The following METTL17 variants were observed in gnomAD, a reference collection of about 807,000 sequenced individuals.
METTL17 encodes the protein ribosome assembly protein METTL17, mitochondrial.
A neutral mutation model predicts 59.4 loss-of-function variants in METTL17; 49 were observed. That is an observed-to-expected ratio of 0.82 (90% CI 0.66 to 1.05). METTL17 has a LOEUF of 1.05. Ranked by LOEUF, METTL17 falls within the 50% of genes least tolerant of loss-of-function variation. The pLI is 0.00. For missense variants in METTL17, 555 were observed against 578.4 expected (o/e 0.96, Z 0.41); for synonymous variants, 208 against 209.2 (o/e 0.99, Z 0.05).
intron 3 of METTL17, 74 bp from the exon 4 acceptor site, chr14:20,992,050 G>A: frequency 7.5e-7 from 1 of 1,328,338 alleles, no homozygotes; most frequent in Non-Finnish European, 1.1e-6. Context: ...GACTGGGTGG[G>A]CAGTATATTC....
rs538447996 is a variant in METTL17, at chr14:20,994,796, G to A, written c.771G>A (p.Val257=). 6.2e-6 allele frequency: 10 copies of A among 1,613,028 alleles called. No individual in the cohort carries two copies. In the East Asian group the frequency reaches 1.6e-4, roughly 25 times the overall value. ...FRQFLPVSPK[V]QFDVVVSAFS... Reference sequence around the variant, plus strand: ...ATGTTCCTTGTCTTGGTCCTCAGGTGCAGTTTGATGTAGTAGTGTCAGCTT... The same window carrying A: ...ATGTTCCTTGTCTTGGTCCTCAGGTACAGTTTGATGTAGTAGTGTCAGCTT... Residue 257 remains valine, a splice_region_variant and synonymous_variant, in exon 9 of 14, where the codon GTG becomes GTA. Transcript: ENST00000339374.
At position 20,994,862 on chromosome 14, in the gene METTL17, G is replaced by A; in HGVS notation, c.837G>A (p.Glu279=). ...TGCCCAGCAAGGCTGACCGCACTGA[G>A]GTAGTTCAAACCTTATGGCGTAAGA... The part of the protein sequence containing the change: ...SELPSKADRT[E]VVQTLWRKTG... The change falls in exon 9 of 14, where the codon GAG becomes GAA. Residue 279 remains glutamate, a synonymous_variant. Transcript: ENST00000339374. 6.2e-7 allele frequency: 1 copy of A among 1,614,096 alleles called. No homozygotes were observed. The highest frequency in any genetic ancestry group is 8.5e-7 in the Non-Finnish European group (1 of 1,179,990).
In METTL17 at chr14:20,994,194, C is replaced by G. The variant is rs927234857; in HGVS notation, c.697+131C>G. On this transcript the variant is annotated intron_variant, in intron 7 of 13. Transcript: ENST00000339374. Reference sequence around the variant, plus strand: ...TCTGGTTTACTTTTAAAGTTATAGTCAAGCAAAGGGTGGTATTAGAGGTTT... The same window carrying G: ...TCTGGTTTACTTTTAAAGTTATAGTGAAGCAAAGGGTGGTATTAGAGGTTT... The G allele has an allele frequency of 8.1e-5, 55 of 681,436 alleles. No individual in the cohort carries two copies. The African/African-American group carries it at 9.0e-4, about 11-fold the overall frequency. 42.2% of individuals were successfully genotyped at this position (681,436 alleles called of 1,614,324 possible).
chr14:20,994,826 CT>C lies in METTL17; in HGVS notation c.803del (p.Leu268Ter). 1 of 1,614,100 alleles carries C rather than the reference CT, an allele frequency of 6.2e-7. No individual in the cohort carries two copies. Among genetic ancestry groups the C allele is most frequent in the Non-Finnish European group, 8.5e-7 (1 of 1,180,000 alleles). ...TTGATGTAGTAGTGTCAGCTTTTTC[CT>C]TAAGTGAACTGCCCAGCAAGGCTGA... Reference protein sequence around the residue: ...QFDVVVSAFSLSELPSKADRT... With the variant: ...QFDVVVSAFSXSELPSKADRT... On this transcript the variant is annotated frameshift_variant, in exon 9 of 14. Transcript: ENST00000339374. LOFTEE classifies it high-confidence loss of function.
intron 4 of METTL17, 50 bp downstream of exon 4, chr14:20,992,255 A>G: frequency 8.3e-7 from 1 of 1,201,400 alleles, no homozygotes; most frequent in Non-Finnish European, 1.2e-6. Flanking sequence ...AGACTTTAGA[A>G]AGAGAGTTGG....
At chr14:20,992,355 CAA>C (rs1880076847) in intron 4 of METTL17, 150 bp downstream of exon 4, 1 of 735,680 alleles carries the variant, frequency 1.4e-6, no homozygotes, top group African/African-American at 1.8e-5. Context: ...AGCTAAAGTA[CAA>C]AGTTTTGAAC....
chr14:20,990,403 CG>C lies in METTL17; in HGVS notation c.229+21del. The C allele has an allele frequency of 6.2e-7, 1 of 1,613,182 alleles. No individual in the cohort carries two copies. The highest frequency in any genetic ancestry group is 8.5e-7 in the Non-Finnish European group (1 of 1,179,482). On this transcript the variant is annotated intron_variant, in intron 2 of 13. Coordinates refer to ENST00000339374, the MANE Select transcript of METTL17 (RefSeq NM_022734.3). ...TACTTGGTGAGTAACGGCGGGAAAGCGAGAAGAAACGGGACTGGACCTACAT... is the reference window on the plus strand; with the variant it reads ...TACTTGGTGAGTAACGGCGGGAAAGCAGAAGAAACGGGACTGGACCTACAT...
Position 20,996,085 on chromosome 14 carries a change from C to G in METTL17, c.997-124C>G. ...AGTTCCTACCTAATGATTCCCCTGG[C>G]TCTTCCTACCCACTGCTCCTGTCCT... On this transcript the variant is annotated intron_variant, in intron 11 of 13. Transcript: ENST00000339374. 6 of 1,261,646 alleles carry G rather than the reference C, an allele frequency of 4.8e-6. No homozygotes were observed. In the South Asian group the frequency reaches 7.3e-5, roughly 15 times the overall value. 78.2% of individuals were successfully genotyped at this position (1,261,646 alleles called of 1,614,324 possible). A position where few individuals can be genotyped will look rare whatever the true frequency, so the allele number is the denominator to read the frequency against.
At chr14:20,990,126 A>G (rs1313120075) in intron 1 of METTL17, 49 bp downstream of exon 1, 1 of 1,611,896 alleles carries the variant, frequency 6.2e-7, no homozygotes, top group Admixed American at 1.7e-5. Flanking sequence ...ATCTGCAGAG[A>G]CATCTCCGCG....
At chr14:20,992,283 A>T in intron 4 of METTL17, 78 bp downstream of exon 4, 1 of 907,258 alleles carries the variant, frequency 1.1e-6, no homozygotes, top group Non-Finnish European at 1.7e-6. Context: ...CAATTACACA[A>T]TCAATTTAGT....
intron 7 of METTL17, 92 bp from the exon 8 acceptor site, chr14:20,994,451 C>A: frequency 9.2e-7 from 1 of 1,084,996 alleles, no homozygotes. Context: ...TACACTTTAC[C>A]TATTCTTGGG....
Position 20,990,541 on chromosome 14 carries a change from C to A in METTL17, c.307C>A (p.Pro103Thr). 1 of 1,614,146 alleles carries A rather than the reference C, an allele frequency of 6.2e-7. No homozygotes were observed. The highest frequency in any genetic ancestry group is 8.5e-7 in the Non-Finnish European group (1 of 1,180,032). ...CTGGAGCAGACATTTGCCTGTAGAG[C>A]CAGAGGAGTTGCAAAGACGGGCTAG... ...YLWSRHLPVE[P>T]EELQRRARHL... Residue 103 changes from proline to threonine, a missense_variant, in exon 3 of 14, where the codon CCA becomes ACA. Pro to Thr is a conservative substitution (Grantham distance 38). Coordinates refer to ENST00000339374, the MANE Select transcript of METTL17 (RefSeq NM_022734.3).
chr14:20,990,576 G>GA lies in METTL17; in HGVS notation c.348dup (p.Phe117IlefsTer24), dbSNP rs776331415. 1.9e-6 allele frequency: 3 copies of GA among 1,614,152 alleles called. No homozygotes were observed. Among genetic ancestry groups the GA allele is most frequent in the East Asian group, 2.2e-5 (1 of 44,886 alleles). ...TGCAAAGACGGGCTAGGCATCTTGAGAAAAAATTCCTGGAAAACCCAGGTA... is the reference window on the plus strand; with the variant it reads ...TGCAAAGACGGGCTAGGCATCTTGAGAAAAAAATTCCTGGAAAACCCAGGTA... On this transcript the variant is annotated frameshift_variant, in exon 3 of 14. Coordinates refer to ENST00000339374, the MANE Select transcript of METTL17 (RefSeq NM_022734.3). LOFTEE classifies it high-confidence loss of function.
At position 20,990,394 on chromosome 14, in the gene METTL17, G is replaced by C. The variant is rs375414936; in HGVS notation, c.229+11G>C. On this transcript the variant is annotated intron_variant, in intron 2 of 13. Transcript: ENST00000339374. ...AGTTATTGCTACTTGGTGAGTAACG[G>C]CGGGAAAGCGAGAAGAAACGGGACT... 9.9e-6 allele frequency: 16 copies of C among 1,613,488 alleles called. No individual in the cohort carries two copies. In the African/African-American group the frequency reaches 2.1e-4, roughly 22 times the overall value.
chr14:20,996,881 T>G lies in METTL17; in HGVS notation c.1362T>G (p.Ser454=), dbSNP rs150701743. 2 of 1,605,220 alleles carry G rather than the reference T, an allele frequency of 1.2e-6. No homozygotes were observed. Among genetic ancestry groups the G allele is most frequent in the Non-Finnish European group, 8.5e-7 (1 of 1,174,762 alleles). Reference sequence around the variant, plus strand: ...CTCCATCTACGGCTCAGGATCCCTCTGAGAGTTGATGAGGATGTGTAACAA... The same window carrying G: ...CTCCATCTACGGCTCAGGATCCCTCGGAGAGTTGATGAGGATGTGTAACAA... ...AFPPSTAQDP[S]ES is the part of the protein sequence containing the mutation. Residue 454 remains serine (S), a synonymous_variant, in exon 14 of 14, where the codon TCT becomes TCG. Coordinates refer to ENST00000339374, the MANE Select transcript of METTL17 (RefSeq NM_022734.3).
chr14:20,990,391 A>G lies in METTL17; in HGVS notation c.229+8A>G, dbSNP rs1440552951. The G allele has an allele frequency of 6.2e-7, 1 of 1,613,616 alleles. No homozygotes were observed. Among genetic ancestry groups the G allele is most frequent in the Admixed American group, 1.7e-5 (1 of 59,992 alleles). On this transcript the variant is annotated splice_region_variant and intron_variant, in intron 2 of 13. Coordinates refer to ENST00000339374, the MANE Select transcript of METTL17 (RefSeq NM_022734.3). ...CCCAGTTATTGCTACTTGGTGAGTA[A>G]CGGCGGGAAAGCGAGAAGAAACGGG... is the stretch of plus-strand genomic sequence containing the variant.
chr14:20,992,233 G>A, intron 4 of METTL17, 28 bp downstream of exon 4: 1 of 1,403,464 alleles, frequency 7.1e-7, no homozygotes, highest in East Asian at 2.3e-5. Context: ...AGGTGCACAA[G>A]AAAGCAAAGG....
In METTL17 at chr14:20,990,549, G is replaced by A. The variant is rs375799989; in HGVS notation, c.315G>A (p.Glu105=). The change falls in exon 3 of 14, where the codon GAG becomes GAA. Residue 105 remains glutamate, a synonymous_variant. Coordinates refer to ENST00000339374, the MANE Select transcript of METTL17 (RefSeq NM_022734.3). ...WSRHLPVEPE[E]LQRRARHLEK... is the part of the protein sequence containing the mutation. Reference sequence around the variant, plus strand: ...GACATTTGCCTGTAGAGCCAGAGGAGTTGCAAAGACGGGCTAGGCATCTTG... The same window carrying A: ...GACATTTGCCTGTAGAGCCAGAGGAATTGCAAAGACGGGCTAGGCATCTTG... 6.2e-7 allele frequency: 1 copy of A among 1,614,256 alleles called. No homozygotes were observed.
Position 20,990,467 on chromosome 14 carries a change from G to T in METTL17, c.233G>T (p.Ser78Ile). The part of the protein sequence containing the change: ...ANGAQLLLLG[S>I]AGPTMENQVQ... ...GCTTTTCGTCTTTGGCCCATAGGGA[G>T]CGCTGGGCCCACTATGGAGAATCAG... Residue 78 changes from serine to isoleucine, a missense_variant, in exon 3 of 14, where the codon AGC (serine) becomes ATC (isoleucine). By Grantham distance (142) the Ser-to-Ile change is moderately radical. Transcript: ENST00000339374. 3.1e-6 allele frequency: 5 copies of T among 1,614,216 alleles called. No homozygotes were observed. Among genetic ancestry groups the T allele is most frequent in the Non-Finnish European group, 4.2e-6 (5 of 1,180,030 alleles).
Sources: gnomAD v4.1 joint callset for allele counts on GRCh38, gnomAD v4.1.1 for gene constraint, MANE v1.5 for transcripts, NCBI Gene and HGNC (gene_info 2026-07-23, HGNC 2026-07-21) for gene names.